Variants in PDE1A observed in about 807,000 individuals in gnomAD.
The protein encoded by PDE1A is dual specificity calcium/calmodulin-dependent 3',5'-cyclic nucleotide phosphodiesterase 1A.
Under a neutral mutation model 61.7 loss-of-function variants are expected in PDE1A, and 35 were observed. That is an observed-to-expected ratio of 0.57 (90% CI 0.43 to 0.75). The LOEUF (loss-of-function observed/expected upper bound fraction) is 0.75. Ranked by LOEUF, PDE1A falls within the 30% of genes least tolerant of loss-of-function variation. The pLI is 0.00. For synonymous variants in PDE1A, 232 were observed against 213.2 expected (o/e 1.09, Z -0.77); for missense variants, 597 against 630.6 (o/e 0.95, Z 0.57).
the PDE1A span, among the ~76,000 whole-genome samples, chr2:182,658,612 C>T: frequency 6.6e-6 from 1 of 152,174 alleles, no homozygotes; most frequent in Non-Finnish European, 1.5e-5. Flanking sequence ...AACTGAGAGA[C>T]TAACCCAAGT....
chr2:182,388,484 C>T (rs1701245374), intron 1 of PDE1A, among the ~76,000 whole-genome samples: 1 of 152,012 alleles, frequency 6.6e-6, no homozygotes, highest in African/African-American at 2.4e-5. Flanking sequence ...TCTTTTCTGA[C>T]CACAATGGTA....
At chr2:182,528,819 G>A in the PDE1A span, among the ~76,000 whole-genome samples, 1 of 152,226 alleles carries the variant, frequency 6.6e-6, no homozygotes, top group Non-Finnish European at 1.5e-5. Flanking sequence ...GCTTCAGAGG[G>A]TGCAAGCCCC....
chr2:182,143,412 C>T (rs1321419792), downstream of PDE1A, among the ~76,000 whole-genome samples: 1 of 152,162 alleles, frequency 6.6e-6, no homozygotes, highest in African/African-American at 2.4e-5. Context: ...CTTAGTCATA[C>T]ACAGGTATCA....
chr2:182,345,364 G>C (rs996694712), intron 1 of PDE1A, among the ~76,000 whole-genome samples: 3 of 152,044 alleles, frequency 2.0e-5, no homozygotes, highest in Non-Finnish European at 4.4e-5. Context: ...AGAAATCCAG[G>C]ACTTAGGACA....
At chr2:182,513,403 G>A (rs1013994981) in intron 2 of PDE1A, among the ~76,000 whole-genome samples, 4 of 152,142 alleles carry the variant, frequency 2.6e-5, no homozygotes, top group Admixed American at 2.0e-4. Context: ...AAATGCTAAG[G>A]GAATTTGTTA....
At chr2:182,381,036 T>C (rs1330734549) in intron 1 of PDE1A, among the ~76,000 whole-genome samples, 3 of 152,194 alleles carry the variant, frequency 2.0e-5, no homozygotes, top group East Asian at 1.9e-4. Context: ...GCCAAAGCAG[T>C]GATGGACATG....
At chr2:182,630,598 A>G in the PDE1A span, among the ~76,000 whole-genome samples, 4 of 152,008 alleles carry the variant, frequency 2.6e-5, no homozygotes, top group Non-Finnish European at 5.9e-5. Context: ...TTATTCCTTC[A>G]TGAAAATTTT....
intron 8 of PDE1A, among the ~76,000 whole-genome samples, chr2:182,203,632 T>C (rs984496693): frequency 3.3e-5 from 5 of 152,144 alleles, no homozygotes; most frequent in East Asian, 3.8e-4. Flanking sequence ...ATATAAATGA[T>C]CAGTAAATGC....
chr2:182,584,903 T>C, the PDE1A span, among the ~76,000 whole-genome samples: 1 of 152,186 alleles, frequency 6.6e-6, no homozygotes, highest in Non-Finnish European at 1.5e-5. Context: ...TGAAAGGTGA[T>C]ATGAGAAAAG....
chr2:182,620,849 G>A, the PDE1A span, among the ~76,000 whole-genome samples: 1 of 152,002 alleles, frequency 6.6e-6, no homozygotes, highest in Non-Finnish European at 1.5e-5. Flanking sequence ...TAAATTCTGG[G>A]TGTCTATATA....
At chr2:182,279,201 G>C (rs1693639340) in intron 1 of PDE1A, among the ~76,000 whole-genome samples, 1 of 151,854 alleles carries the variant, frequency 6.6e-6, no homozygotes, top group Admixed American at 6.6e-5. Flanking sequence ...TCAAGAGTTG[G>C]AGGATGAGCA....
chr2:182,252,212 A>T (rs1030325176), intron 2 of PDE1A, among the ~76,000 whole-genome samples: 1 of 152,214 alleles, frequency 6.6e-6, no homozygotes, highest in Non-Finnish European at 1.5e-5. Context: ...GATGAAGAAT[A>T]AAGTCATTTT....
the PDE1A span, among the ~76,000 whole-genome samples, chr2:182,660,101 C>A: frequency 6.6e-6 from 1 of 152,148 alleles, no homozygotes; most frequent in Non-Finnish European, 1.5e-5. Flanking sequence ...ACCAGTGAAA[C>A]TCAGAAGCTC....
At chr2:182,202,158 A>G (rs1686711605) in intron 8 of PDE1A, among the ~76,000 whole-genome samples, 1 of 152,180 alleles carries the variant, frequency 6.6e-6, no homozygotes, top group African/African-American at 2.4e-5. Context: ...ATTATATAGT[A>G]TTTCAATGCT....
At chr2:182,180,595 G>A (rs552314462) in intron 13 of PDE1A, among the ~76,000 whole-genome samples, 8 of 152,048 alleles carry the variant, frequency 5.3e-5, no homozygotes, top group Non-Finnish European at 1.2e-4. Flanking sequence ...GTATCTTAGT[G>A]GTGTTCTATG....
the PDE1A span, among the ~76,000 whole-genome samples, chr2:182,689,184 G>A: frequency 6.6e-5 from 10 of 152,304 alleles, no homozygotes; most frequent in African/African-American, 2.2e-4. Context: ...AGACTTAATA[G>A]ACATCTACAA....
chr2:182,651,526 T>G, the PDE1A span, among the ~76,000 whole-genome samples: 1 of 152,222 alleles, frequency 6.6e-6, no homozygotes, highest in East Asian at 1.9e-4. Flanking sequence ...GTATTGAAAA[T>G]GTGTTAATTT....
At chr2:182,534,989 T>C in the PDE1A span, among the ~76,000 whole-genome samples, 1 of 152,070 alleles carries the variant, frequency 6.6e-6, no homozygotes, top group Non-Finnish European at 1.5e-5. Context: ...GCTATTTTTT[T>C]CCAAAGATTA....
upstream of PDE1A, among the ~76,000 whole-genome samples, chr2:182,525,882 T>C (rs1279054047): frequency 1.3e-5 from 2 of 151,780 alleles, no homozygotes; most frequent in Non-Finnish European, 2.9e-5. Context: ...ATTCAAATAC[T>C]CGTTAAAAAT....
Sources: allele counts gnomAD v4.1 joint callset (sites outside exome capture counted in the v4.1 genomes callset), GRCh38; gene constraint gnomAD v4.1.1; transcripts MANE v1.5; gene names NCBI Gene and HGNC (gene_info 2026-07-23, HGNC 2026-07-21).